Variants in HPCAL1 observed in about 807,000 individuals in gnomAD.
The protein encoded by HPCAL1 is hippocalcin-like protein 1.
HPCAL1 carries 8 observed loss-of-function variants against 17.1 expected under a neutral mutation model. The observed-to-expected ratio is 0.47, with a 90% CI of 0.27 to 0.84. HPCAL1 has a LOEUF of 0.84. Ranked by LOEUF, HPCAL1 falls within the 40% of genes least tolerant of loss-of-function variation. HPCAL1 has a pLI of 0.13. For synonymous variants in HPCAL1, 112 were observed against 111.4 expected (o/e 1.01, Z -0.03); for missense variants, 165 against 271.1 (o/e 0.61, Z 2.75).
At chr2:10,392,668 G>A (rs554395143) in intron 1 of HPCAL1, among the ~76,000 whole-genome samples, 2 of 152,262 alleles carry the variant, frequency 1.3e-5, no homozygotes, top group South Asian at 2.1e-4. Context: ...TTACAAATGC[G>A]GGAGTGGAAG....
At chr2:10,312,470 A>G (rs1226316815) in intron 1 of HPCAL1, among the ~76,000 whole-genome samples, 3 of 151,372 alleles carry the variant, frequency 2.0e-5, no homozygotes, top group African/African-American at 7.3e-5. Context: ...CATCACCATC[A>G]TCATTACTGT....
At chr2:10,407,515 G>T (rs1205760909) in intron 2 of HPCAL1, among the ~76,000 whole-genome samples, 1 of 151,654 alleles carries the variant, frequency 6.6e-6, no homozygotes, top group Non-Finnish European at 1.5e-5. Flanking sequence ...TGGGCCCTGT[G>T]GGGGTACAGT....
intron 1 of HPCAL1, among the ~76,000 whole-genome samples, chr2:10,333,209 A>G (rs1372252319): frequency 1.3e-5 from 2 of 152,184 alleles, no homozygotes; most frequent in African/African-American, 4.8e-5. Flanking sequence ...CTACGATAAA[A>G]CTAATGCATT....
At chr2:10,411,655 C>G (rs1670363250) in intron 2 of HPCAL1, among the ~76,000 whole-genome samples, 1 of 152,204 alleles carries the variant, frequency 6.6e-6, no homozygotes, top group South Asian at 2.1e-4. Flanking sequence ...TGACTGGGGA[C>G]CGGCATCCCA....
chr2:10,360,561 G>A (rs931495658), intron 1 of HPCAL1, among the ~76,000 whole-genome samples: 11 of 152,150 alleles, frequency 7.2e-5, no homozygotes, highest in Non-Finnish European at 1.5e-4. Flanking sequence ...CCAGGCACCC[G>A]CCACCACACC....
chr2:10,372,666 T>A (rs957368093), intron 1 of HPCAL1, among the ~76,000 whole-genome samples: 2 of 152,228 alleles, frequency 1.3e-5, no homozygotes, highest in African/African-American at 4.8e-5. Flanking sequence ...CCTCCCTGCC[T>A]GCCCGGAGGG....
intron 1 of HPCAL1, among the ~76,000 whole-genome samples, chr2:10,355,438 G>A (rs1306821592): frequency 3.8e-5 from 4 of 106,206 alleles, no homozygotes; most frequent in Admixed American, 1.3e-4. Context: ...GCGACAGAGC[G>A]AGACTCCGTC....
Position 10,330,818 on chromosome 2 carries a change from C to G in HPCAL1, c.-111+27641C>G, listed in dbSNP as rs1198129470. On this transcript the variant is annotated intron_variant, in intron 1 of 4. Coordinates refer to ENST00000307845, the MANE Select transcript of HPCAL1 (RefSeq NM_002149.4). The surrounding 1 kb of genome is among the most constrained non-coding windows in gnomAD (Gnocchi z 4.2). ...TCACTTCCTGCCCACGGCAGGGGCT[C>G]TCTGTCAGTGTGTCTCCGACTGCGG... 6.6e-6 allele frequency among the ~76,000 whole-genome samples: 1 copy of G among 152,234 alleles called. No homozygotes were observed. Among genetic ancestry groups the G allele is most frequent in the East Asian group, 1.9e-4 (1 of 5,188 alleles).
intron 2 of HPCAL1, among the ~76,000 whole-genome samples, chr2:10,401,897 CTGT>C (rs758945974): frequency 2.0e-5 from 3 of 152,082 alleles, no homozygotes; most frequent in Admixed American, 6.5e-5. Context: ...GAAGCTTTTG[CTGT>C]TGTTGTTGTT....
At chr2:10,327,819 C>A (rs1318685262) in intron 1 of HPCAL1, among the ~76,000 whole-genome samples, 2 of 152,206 alleles carry the variant, frequency 1.3e-5, no homozygotes, top group African/African-American at 4.8e-5. Context: ...GGACTGAATT[C>A]TCTGTGTAGC....
At chr2:10,415,881 G>A (rs1461470566) in intron 2 of HPCAL1, among the ~76,000 whole-genome samples, 5 of 152,218 alleles carry the variant, frequency 3.3e-5, no homozygotes, top group Admixed American at 2.6e-4. Context: ...AACACCTAGC[G>A]AGCTCCATGG....
In HPCAL1 at chr2:10,331,508, G is replaced by A. The variant is rs535334159; in HGVS notation, c.-111+28331G>A. Among the ~76,000 whole-genome samples the A allele has an allele frequency of 6.6e-6, 1 of 152,286 alleles. No homozygotes were observed. The highest frequency in any genetic ancestry group is 6.5e-5 in the Admixed American group (1 of 15,296). The stretch of plus-strand genomic sequence containing the variant: ...TTGCTGGTGGAACGGATGCAGCAGC[G>A]AGGTTTTCCGGGGCAGGAACACCCT... On this transcript the variant is annotated intron_variant, in intron 1 of 4. Coordinates refer to ENST00000307845, the MANE Select transcript of HPCAL1 (RefSeq NM_002149.4). The surrounding 1 kb of genome is among the most constrained non-coding windows in gnomAD (Gnocchi z 5.0).
In HPCAL1 at chr2:10,328,846, G is replaced by A. The variant is rs532773718; in HGVS notation, c.-111+25669G>A. Reference sequence around the variant, plus strand: ...CTCTGCCCCTTTTGTTCGACATGTGGGGGGTTGCTGGGGAAGCTAATTAGA... The same window carrying A: ...CTCTGCCCCTTTTGTTCGACATGTGAGGGGTTGCTGGGGAAGCTAATTAGA... On this transcript the variant is annotated intron_variant, in intron 1 of 4. Transcript: ENST00000307845. 5.9e-5 allele frequency among the ~76,000 whole-genome samples: 9 copies of A among 152,036 alleles called. No homozygotes were observed. The East Asian group carries it at 1.5e-3, about 26-fold the overall frequency.
At chr2:10,415,074 G>A (rs1670577418) in intron 2 of HPCAL1, among the ~76,000 whole-genome samples, 1 of 152,240 alleles carries the variant, frequency 6.6e-6, no homozygotes, top group Non-Finnish European at 1.5e-5. Flanking sequence ...GTGGAGATGT[G>A]CAGGGTTTGG....
Position 10,395,710 on chromosome 2 carries a change from C to CT in HPCAL1, c.-110-1124dup, listed in dbSNP as rs1405752540. Among the ~76,000 whole-genome samples the CT allele has an allele frequency of 2.0e-4, 31 of 152,316 alleles. No homozygotes were observed. Among genetic ancestry groups the CT allele is most frequent in the African/African-American group, 7.0e-4 (29 of 41,562 alleles). ...AGAAACGGGCCGTCAGGTGAAGTGA[C>CT]TGTCAGGATTCCATCCTGGCTCGGC... is the stretch of plus-strand genomic sequence containing the variant. On this transcript the variant is annotated intron_variant, in intron 1 of 4. Transcript: ENST00000307845. This position sits in a 1 kb window ranked among gnomAD's most constrained non-coding sequence, Gnocchi z 4.4.
chr2:10,308,184 G>A (rs1265835952), intron 1 of HPCAL1, among the ~76,000 whole-genome samples: 1 of 152,046 alleles, frequency 6.6e-6, no homozygotes, highest in Non-Finnish European at 1.5e-5. Flanking sequence ...TGGAGTTGGG[G>A]CTGGATTGTT....
At chr2:10,345,801 A>G (rs1665398884) in intron 1 of HPCAL1, among the ~76,000 whole-genome samples, 2 of 152,340 alleles carry the variant, frequency 1.3e-5, no homozygotes, top group Middle Eastern at 3.4e-3. Context: ...TTCTGAATAT[A>G]AAAGTGATAC....
chr2:10,321,330 C>T (rs895412480), intron 1 of HPCAL1, among the ~76,000 whole-genome samples: 1 of 152,046 alleles, frequency 6.6e-6, no homozygotes, highest in Admixed American at 6.5e-5. Flanking sequence ...AGTCGTCTCC[C>T]ACCAGGCCTC....
chr2:10,379,125 C>T (rs566372683), intron 1 of HPCAL1, among the ~76,000 whole-genome samples: 66 of 152,042 alleles, frequency 4.3e-4, no homozygotes, highest in Admixed American at 9.2e-4. Flanking sequence ...GTCAGGAGTT[C>T]GAGACCAGCC....
Sources: allele counts gnomAD v4.1 joint callset (sites outside exome capture counted in the v4.1 genomes callset), GRCh38; gene constraint gnomAD v4.1.1; non-coding constraint Gnocchi (gnomAD v3.1); transcripts MANE v1.5; gene names NCBI Gene and HGNC (gene_info 2026-07-23, HGNC 2026-07-21).